Variants in NOC4L observed in about 807,000 individuals in gnomAD.
The protein encoded by NOC4L is nucleolar complex associated 4 homolog.
NOC4L carries 40 observed loss-of-function variants against 62.8 expected under a neutral mutation model. The ratio of observed to expected loss-of-function variants is 0.64; its 90% confidence interval spans 0.49 to 0.83. The LOEUF (loss-of-function observed/expected upper bound fraction) is 0.83, where lower values mean the gene tolerates loss of function less well. NOC4L is among the 40% of genes least tolerant of loss of function. The probability of loss-of-function intolerance (pLI) is 0.00; values close to 1 mark genes in which losing one functional copy is unlikely to be tolerated. For missense variants in NOC4L, 927 were observed against 701.9 expected (o/e 1.32, Z -3.62); for synonymous variants, 433 against 299.8 (o/e 1.44, Z -4.59).
Position 132,147,737 on chromosome 12 carries a change from G to A in NOC4L, c.558G>A (p.Gln186=). 1 of 1,612,890 alleles carries A rather than the reference G, an allele frequency of 6.2e-7. No homozygotes were observed. The highest frequency in any genetic ancestry group is 8.5e-7 in the Non-Finnish European group (1 of 1,179,976). Residue 186 remains glutamine, a synonymous_variant, in exon 5 of 15, where the codon CAG becomes CAA. Transcript: ENST00000330579. ...DYDDTRYHTM[Q]AAVDAVARVT... is the part of the protein sequence containing the mutation. ...ACGACACCCGCTACCACACCATGCA[G>A]GCAGCCGTGGATGCCGTGGCCCGGG...
At chr12:132,146,366 G>T (rs572789564) in intron 3 of NOC4L, 80 of 454,550 alleles carry the variant, frequency 1.8e-4, no homozygotes, top group Non-Finnish European at 3.2e-4. Context: ...TCAGCCGCTC[G>T]TAGGTTGCTG....
Position 132,151,729 on chromosome 12 carries a change from C to A in NOC4L, c.1235-9C>A. 6.2e-7 allele frequency: 1 copy of A among 1,612,402 alleles called. No homozygotes were observed. The highest frequency in any genetic ancestry group is 8.5e-7 in the Non-Finnish European group (1 of 1,179,796). ...GGACGGCAGACAAGGGCCCACGTCTCATTCCTAGAGTTGGACGCCGACCCC... is the reference window on the plus strand; with the variant it reads ...GGACGGCAGACAAGGGCCCACGTCTAATTCCTAGAGTTGGACGCCGACCCC... On this transcript the variant is annotated splice_polypyrimidine_tract_variant and intron_variant, in intron 12 of 14. Coordinates refer to ENST00000330579, the MANE Select transcript of NOC4L (RefSeq NM_024078.3).
In NOC4L at chr12:132,146,611, G is replaced by A. The variant is rs147307362; in HGVS notation, c.346-670G>A. Among the ~76,000 whole-genome samples, 511 of 152,176 alleles carry A rather than the reference G, an allele frequency of 3.4e-3. 10 individuals are homozygous for A. In the East Asian group the frequency reaches 0.042, roughly 12 times the overall value. ...TGAGAGTTCCATACTCCACATCCTC[G>A]CCAACACGTCTGTCTATAATTATAG... On this transcript the variant is annotated intron_variant, in intron 3 of 14. Transcript: ENST00000330579.
chr12:132,151,707 CG>C (rs1231611497), intron 12 of NOC4L, 30 bp from the exon 13 acceptor site: 1 of 1,611,980 alleles, frequency 6.2e-7, no homozygotes, highest in Non-Finnish European at 8.5e-7. Flanking sequence ...GTGCTGTGGA[CG>C]GCAGACAAGG....
At chr12:132,145,830 C>T (rs1460713223) in intron 3 of NOC4L, among the ~76,000 whole-genome samples, 165 bp downstream of exon 3, 2 of 152,214 alleles carry the variant, frequency 1.3e-5, no homozygotes, top group Admixed American at 6.5e-5. Flanking sequence ...ACATGGCTAT[C>T]GAGTCCTGTA....
intron 7 of NOC4L, 76 bp downstream of exon 7, chr12:132,148,182 G>T: frequency 6.8e-7 from 1 of 1,473,596 alleles, no homozygotes; most frequent in South Asian, 1.2e-5. Context: ...ACCCCATGGA[G>T]GCTGCCGCCT....
At chr12:132,148,941 T>G (rs1897847059) in intron 9 of NOC4L, 46 bp downstream of exon 9, 1 of 459,988 alleles carries the variant, frequency 2.2e-6, no homozygotes, top group Non-Finnish European at 3.8e-6. Context: ...ATCCCCTCGG[T>G]GAGTGCCGCC....
rs773999739 is a variant in NOC4L at position 132,145,597 on chromosome 12, A to G, written c.277A>G (p.Arg93Gly). Residue 93 changes from arginine (R) to glycine (G), a missense_variant, in exon 3 of 15, where the codon AGA becomes GGA. Physicochemically the swap from Arg to Gly is moderately radical, Grantham distance 125 (BLOSUM62 -2). Transcript: ENST00000330579. ...GATRKYKVWM[R>G]HRYHSCCNRL... ...CACACGGAAGTACAAGGTGTGGATG[A>G]GACACCGCTATCACAGCTGCTGCAA... The G allele has an allele frequency of 6.2e-7, 1 of 1,613,502 alleles. No homozygotes were observed. Among genetic ancestry groups the G allele is most frequent in the South Asian group, 1.1e-5 (1 of 91,082 alleles).
chr12:132,147,463 G>A lies in NOC4L; in HGVS notation c.453+75G>A. On this transcript the variant is annotated intron_variant, in intron 4 of 14. Coordinates refer to ENST00000330579, the MANE Select transcript of NOC4L (RefSeq NM_024078.3). ...CCCAGGATGGCCCCGTAGTGGGGGC[G>A]GGGCCTGCTGAGCTGAGCCTGGCTG... 6 of 1,464,988 alleles carry A rather than the reference G, an allele frequency of 4.1e-6. No homozygotes were observed. In the South Asian group the frequency reaches 5.0e-5, roughly 12 times the overall value. The allele number at this position is 1,464,988 out of a possible 1,614,324, so 90.7% of individuals were successfully genotyped here.
At position 132,148,946 on chromosome 12, in the gene NOC4L, GC is replaced by G. The variant is rs749262955; in HGVS notation, c.901+53del. ...CACACCCCTAATCCCCTCGGTGAGTGCCGCCGCCTCACTCCTACCACACCCC... is the reference window on the plus strand; with the variant it reads ...CACACCCCTAATCCCCTCGGTGAGTGCGCCGCCTCACTCCTACCACACCCC... On this transcript the variant is annotated intron_variant, in intron 9 of 14. Coordinates refer to ENST00000330579, the MANE Select transcript of NOC4L (RefSeq NM_024078.3). 2.9e-4 allele frequency: 117 copies of G among 403,644 alleles called. 2 individuals carry two copies. Among genetic ancestry groups the G allele is most frequent in the South Asian group, 5.1e-4 (18 of 35,282 alleles). The allele number at this position is 403,644 out of a possible 1,614,324, so 25.0% of individuals were successfully genotyped here.
rs1873016951 is a variant in NOC4L at position 132,152,144 on chromosome 12, C to G, written c.1378C>G (p.Leu460Val). The G allele has an allele frequency of 1.7e-5, 28 of 1,612,472 alleles. No individual in the cohort carries two copies. Among genetic ancestry groups the G allele is most frequent in the Non-Finnish European group, 2.3e-5 (27 of 1,179,868 alleles). The change falls in exon 14 of 15, where the codon CTG becomes GTG. Residue 460 changes from leucine (L) to valine (V), a missense_variant. Leu to Val is a conservative substitution (Grantham distance 32). Coordinates refer to ENST00000330579, the MANE Select transcript of NOC4L (RefSeq NM_024078.3). ...SKAASVINQA[L>V]SMPEVSIAPL... is the part of the protein sequence containing the mutation. ...AGCCGCCAGCGTCATCAACCAGGCCCTGTCCATGCCTGAGGTCAGCATCGC... is the reference window on the plus strand; with the variant it reads ...AGCCGCCAGCGTCATCAACCAGGCCGTGTCCATGCCTGAGGTCAGCATCGC...
chr12:132,145,760 C>T (rs1050750428), intron 3 of NOC4L, 95 bp downstream of exon 3: 3 of 816,122 alleles, frequency 3.7e-6, no homozygotes, highest in African/African-American at 1.7e-5. Context: ...CACAATTGTC[C>T]AGGCAAAGCT....
chr12:132,150,948 C>G, intron 9 of NOC4L, 33 bp from the exon 10 acceptor site: 1 of 1,556,728 alleles, frequency 6.4e-7, no homozygotes, highest in South Asian at 1.2e-5. Context: ...AGCGAGGTCA[C>G]TGCAGCTCCA....
In NOC4L at chr12:132,151,724, C is replaced by T. The variant is rs763302259; in HGVS notation, c.1235-14C>T. ...GCTGTGGACGGCAGACAAGGGCCCACGTCTCATTCCTAGAGTTGGACGCCG... is the reference window on the plus strand; with the variant it reads ...GCTGTGGACGGCAGACAAGGGCCCATGTCTCATTCCTAGAGTTGGACGCCG... On this transcript the variant is annotated splice_polypyrimidine_tract_variant and intron_variant, in intron 12 of 14. Coordinates refer to ENST00000330579, the MANE Select transcript of NOC4L (RefSeq NM_024078.3). 6.0e-5 allele frequency: 96 copies of T among 1,612,222 alleles called. 1 individual carries two copies. Among genetic ancestry groups the T allele is most frequent in the Admixed American group, 2.0e-4 (12 of 59,996 alleles).
intron 7 of NOC4L, 84 bp downstream of exon 7, chr12:132,148,190 C>T: frequency 1.4e-6 from 2 of 1,408,110 alleles, no homozygotes; most frequent in Non-Finnish European, 9.9e-7. Flanking sequence ...GAGGCTGCCG[C>T]CTTCCTCACC....
Position 132,147,945 on chromosome 12 carries a change from GC to G in NOC4L, c.672del (p.Thr225ProfsTer7). 1 of 1,608,520 alleles carries G rather than the reference GC, an allele frequency of 6.2e-7. No homozygotes were observed. Among genetic ancestry groups the G allele is most frequent in the Non-Finnish European group, 8.5e-7 (1 of 1,178,022 alleles). ...LSAVSLPRRE[P>X]TVSSFYVKRA... ...CTGCCGTGAGCCTGCCCCGCCGGGA[GC>G]CCACCGTCTCCAGCTTCTATGTGAA... On this transcript the variant is annotated frameshift_variant, in exon 6 of 15. Transcript: ENST00000330579. LOFTEE classifies it high-confidence loss of function.
chr12:132,151,604 C>T lies in NOC4L; in HGVS notation c.1194C>T (p.His398=). The stretch of plus-strand genomic sequence containing the variant: ...TCATCTGTAACCTGCTGCGCCGGCA[C>T]CCTGCCTGCCGGGTCCTCGTGCACC... ...LPFICNLLRR[H]PACRVLVHRP... The change falls in exon 12 of 15, where the codon CAC becomes CAT. Residue 398 remains histidine (H), a synonymous_variant. Coordinates refer to ENST00000330579, the MANE Select transcript of NOC4L (RefSeq NM_024078.3). The T allele has an allele frequency of 1.9e-6, 3 of 1,611,636 alleles. No homozygotes were observed. In the South Asian group the frequency reaches 3.3e-5, roughly 18 times the overall value.
At chr12:132,145,686 C>A in intron 3 of NOC4L, 21 bp downstream of exon 3, 1 of 1,508,810 alleles carries the variant, frequency 6.6e-7, no homozygotes, top group Non-Finnish European at 9.2e-7. Context: ...GGGCTGGCCT[C>A]ATCCTTGTCC....
Position 132,147,802 on chromosome 12 carries a change from C to T in NOC4L, c.603+20C>T, listed in dbSNP as rs537280336. The T allele has an allele frequency of 4.3e-5, 70 of 1,611,582 alleles. No homozygotes were observed. The South Asian group carries it at 4.8e-4, about 11-fold the overall frequency. ...CCCGAGGTGGGTGATGGGGTCCTGT[C>T]GCCAGCATCATGCTGTTGCCTCCCA... On this transcript the variant is annotated intron_variant, in intron 5 of 14. Transcript: ENST00000330579.
Sources: allele counts gnomAD v4.1 joint callset (sites outside exome capture counted in the v4.1 genomes callset), GRCh38; gene constraint gnomAD v4.1.1; transcripts MANE v1.5; gene names NCBI Gene and HGNC (gene_info 2026-07-23, HGNC 2026-07-21).